F11: variants seen among roughly 807,000 people sequenced by gnomAD.
F11 encodes coagulation factor XI.
A neutral mutation model predicts 76.5 loss-of-function variants in F11; 78 were observed. That is an observed-to-expected ratio of 1.02 (90% CI 0.85 to 1.23). The LOEUF (loss-of-function observed/expected upper bound fraction) is 1.23. Ranked by LOEUF, F11 falls within the 50% of genes most tolerant of loss-of-function variation. The probability of loss-of-function intolerance (pLI) is 0.00; values close to 1 mark genes in which losing one functional copy is unlikely to be tolerated. For synonymous variants in F11, 278 were observed against 276.3 expected (o/e 1.01, Z -0.06); for missense variants, 742 against 771.4 (o/e 0.96, Z 0.45).
In F11 at chr4:186,285,752, A is replaced by T. The variant is rs1305611614; in HGVS notation, c.1419A>T (p.Lys473Asn). The change falls in exon 12 of 15, where the codon AAA (lysine) becomes AAT (asparagine). Residue 473 changes from lysine to asparagine, a missense_variant. Physicochemically the swap from Lys to Asn is moderately conservative, Grantham distance 94 (BLOSUM62 0). Coordinates refer to ENST00000403665, the MANE Select transcript of F11 (RefSeq NM_000128.4). ...VQEIIIHDQY[K>N]MAESGYDIAL... ...AAATAATAATCCATGATCAGTATAA[A>T]ATGGCAGAAAGCGGGTATGATATTG... 6.2e-7 allele frequency: 1 copy of T among 1,614,216 alleles called. No individual in the cohort carries two copies. The highest frequency in any genetic ancestry group is 1.7e-5 in the Admixed American group (1 of 60,026).
chr4:186,274,711 G>A (rs1740239604), intron 5 of F11: 1 of 201,616 alleles, frequency 5.0e-6, no homozygotes, highest in African/African-American at 2.4e-5. Flanking sequence ...GCTCCATACT[G>A]GATTTTGAAA....
intron 2 of F11, among the ~76,000 whole-genome samples, chr4:186,269,509 A>G (rs937983864): frequency 6.6e-6 from 1 of 152,250 alleles, no homozygotes; most frequent in African/African-American, 2.4e-5. Context: ...AAGAACAAAT[A>G]CTGTGGGATC....
chr4:186,283,942 C>A, intron 10 of F11, 150 bp from the exon 11 acceptor site: 1 of 1,216,274 alleles, frequency 8.2e-7, no homozygotes, highest in Non-Finnish European at 1.2e-6. Context: ...GCATGTTTTG[C>A]TTTGGCAGCT....
At chr4:186,271,567 C>A in intron 2 of F11, 42 bp from the exon 3 acceptor site, 1 of 1,609,810 alleles carries the variant, frequency 6.2e-7, no homozygotes, top group Non-Finnish European at 8.5e-7. Flanking sequence ...GATGTATGCC[C>A]AGTAAAATCC....
In F11 at chr4:186,287,766, A is replaced by C; in HGVS notation, c.1659A>C (p.Lys553Asn). 1 of 1,613,754 alleles carries C rather than the reference A, an allele frequency of 6.2e-7. No individual in the cohort carries two copies. The highest frequency in any genetic ancestry group is 2.2e-5 in the East Asian group (1 of 44,868). The change falls in exon 14 of 15, where the codon AAA becomes AAC. Residue 553 changes from lysine to asparagine, a missense_variant. Transcript: ENST00000403665. Reference protein sequence around the residue: ...EECQKRYRGHKITHKMICAGY... With the variant: ...EECQKRYRGHNITHKMICAGY... The stretch of plus-strand genomic sequence containing the variant: ...GCCAGAAGAGATACAGAGGACATAA[A>C]ATAACCCATAAGATGATCTGTGCCG...
intron 7 of F11, among the ~76,000 whole-genome samples, chr4:186,277,058 T>A (rs1002422168): frequency 6.6e-6 from 1 of 152,162 alleles, no homozygotes; most frequent in Non-Finnish European, 1.5e-5. Context: ...CCCTCCTCTA[T>A]CCTCCCAACT....
chr4:186,282,862 A>G lies in F11; in HGVS notation c.1136-1230A>G, dbSNP rs536532756. 6.1e-6 allele frequency: 6 copies of G among 985,068 alleles called. No homozygotes were observed. In the South Asian group the frequency reaches 1.9e-4, roughly 31 times the overall value. 61.0% of individuals were successfully genotyped at this position (985,068 alleles called of 1,614,324 possible). A position where few individuals can be genotyped will look rare whatever the true frequency, so the allele number is the denominator to read the frequency against. On this transcript the variant is annotated intron_variant, in intron 10 of 14. Transcript: ENST00000403665. ...ACTCCTTCTCTCATCCTCTCCTCCT[A>G]TTTGAAATCTGCCCCAGAATTATAC...
intron 10 of F11, chr4:186,282,513 A>C: frequency 4.1e-6 from 4 of 985,416 alleles, no homozygotes; most frequent in Non-Finnish European, 4.8e-6. Context: ...CACCATTAAA[A>C]TAAACATTTC....
chr4:186,268,940 T>C (rs1739711215), intron 2 of F11, among the ~76,000 whole-genome samples: 1 of 152,096 alleles, frequency 6.6e-6, no homozygotes, highest in Non-Finnish European at 1.5e-5. Flanking sequence ...TCGCAGAAAT[T>C]AATTAAATGG....
chr4:186,283,383 T>C (rs1580096814), intron 10 of F11, among the ~76,000 whole-genome samples: 1 of 152,156 alleles, frequency 6.6e-6, no homozygotes, highest in Non-Finnish European at 1.5e-5. Flanking sequence ...GAGGGCACTG[T>C]CCTGTCTAGG....
At chr4:186,288,107 T>C (rs1741349860) in intron 14 of F11, among the ~76,000 whole-genome samples, 2 of 151,364 alleles carry the variant, frequency 1.3e-5, no homozygotes. Context: ...AGAGACGGGG[T>C]TTCACCATGT....
chr4:186,269,540 G>A (rs190794789), intron 2 of F11, among the ~76,000 whole-genome samples: 1 of 152,354 alleles, frequency 6.6e-6, no homozygotes, highest in East Asian at 1.9e-4. Flanking sequence ...GAGGTACTTA[G>A]GGTAGTCAAT....
At chr4:186,284,852 AG>A (rs1741067157) in intron 11 of F11, among the ~76,000 whole-genome samples, 1 of 152,100 alleles carries the variant, frequency 6.6e-6, no homozygotes, top group South Asian at 2.1e-4. Flanking sequence ...CAGAAGTCTG[AG>A]GTAGGAGGAT....
intron 12 of F11, 151 bp downstream of exon 12, chr4:186,285,964 T>A: frequency 1.2e-6 from 1 of 863,984 alleles, no homozygotes; most frequent in Non-Finnish European, 1.9e-6. Flanking sequence ...TTCACTCTGC[T>A]AAGGCTGACA....
chr4:186,287,804 G>A lies in F11; in HGVS notation c.1697G>A (p.Gly566Glu), dbSNP rs759511804. The A allele has an allele frequency of 2.5e-6, 4 of 1,613,060 alleles. No individual in the cohort carries two copies. The African/African-American group carries it at 5.3e-5, about 22-fold the overall frequency. ...HKMICAGYREGGKDACKGDSG... is the reference protein window; with the variant it reads ...HKMICAGYREEGKDACKGDSG... ...ATGATCTGTGCCGGCTACAGGGAAGGAGGGAAGGACGCTTGCAAGGTAACA... is the reference window on the plus strand; with the variant it reads ...ATGATCTGTGCCGGCTACAGGGAAGAAGGGAAGGACGCTTGCAAGGTAACA... The change falls in exon 14 of 15, where the codon GGA (glycine) becomes GAA (glutamate). Residue 566 changes from glycine to glutamate, a missense_variant. Transcript: ENST00000403665.
At position 186,280,094 on chromosome 4, in the gene F11, C is replaced by CTTTG; in HGVS notation, c.839_840insTTGT (p.Gln281CysfsTer19). 6.2e-7 allele frequency: 1 copy of CTTTG among 1,614,126 alleles called. No homozygotes were observed. The highest frequency in any genetic ancestry group is 8.5e-7 in the Non-Finnish European group (1 of 1,179,996). On this transcript the variant is annotated frameshift_variant, in exon 8 of 15. Transcript: ENST00000403665. LOFTEE classifies it high-confidence loss of function. ...GAGCAAAGCTCTTTCTGGTTTCAGTCTACAAAGCTGCAGGCACAGCATCCC... is the reference window on the plus strand; with the variant it reads ...GAGCAAAGCTCTTTCTGGTTTCAGTCTTTGTACAAAGCTGCAGGCACAGCATCCC...
At chr4:186,282,032 A>G (rs1740848856) in intron 10 of F11, 19 of 1,248,230 alleles carry the variant, frequency 1.5e-5, no homozygotes, top group Admixed American at 2.3e-5. Flanking sequence ...TTTCCTCACA[A>G]TAAATTTCCC....
chr4:186,267,949 A>G (rs1739625088), intron 2 of F11, among the ~76,000 whole-genome samples: 1 of 152,196 alleles, frequency 6.6e-6, no homozygotes, highest in African/African-American at 2.4e-5. Flanking sequence ...CTGTGACAAG[A>G]CTACTGCTCA....
chr4:186,285,217 G>A (rs1741097228), intron 11 of F11, among the ~76,000 whole-genome samples: 1 of 152,122 alleles, frequency 6.6e-6, no homozygotes, highest in South Asian at 2.1e-4. Context: ...CACATGTGAG[G>A]CCAAGAGTTC....
Sources: gnomAD v4.1 joint callset for allele counts (sites outside exome capture counted in the v4.1 genomes callset) on GRCh38, gnomAD v4.1.1 for gene constraint, MANE v1.5 for transcripts, NCBI Gene and HGNC (gene_info 2026-07-23, HGNC 2026-07-21) for gene names.